Variants in XRCC4 observed in about 807,000 individuals in gnomAD.
XRCC4 encodes the protein X-ray repair cross complementing 4.
Under a neutral mutation model 39.1 loss-of-function variants are expected in XRCC4, and 28 were observed. That is an observed-to-expected ratio of 0.72 (90% CI 0.53 to 0.98). The LOEUF (loss-of-function observed/expected upper bound fraction) is 0.98, where lower values mean the gene tolerates loss of function less well. Ranked by LOEUF, XRCC4 falls within the 50% of genes least tolerant of loss-of-function variation. The pLI, the probability that XRCC4 is intolerant of heterozygous loss-of-function variation, is 0.00. For synonymous variants in XRCC4, 123 were observed against 126.4 expected (o/e 0.97, Z 0.18); for missense variants, 350 against 376.4 (o/e 0.93, Z 0.58).
intron 3 of XRCC4, among the ~76,000 whole-genome samples, chr5:83,172,770 G>A (rs1749787097): frequency 6.6e-6 from 1 of 152,090 alleles, no homozygotes; most frequent in South Asian, 2.1e-4. Flanking sequence ...GGTTCCTCTA[G>A]GTTACTCACT....
intron 7 of XRCC4, among the ~76,000 whole-genome samples, chr5:83,262,983 TCCCTCCCC>T (rs1382992235): frequency 1.5e-4 from 18 of 119,392 alleles, no homozygotes; most frequent in Non-Finnish European, 3.0e-4. Flanking sequence ...CCCGATGCTA[TCCCTCCCC>T]CCCTCCCCCC....
chr5:83,354,665 G>C (rs1034692879), downstream of XRCC4, among the ~76,000 whole-genome samples: 15 of 152,136 alleles, frequency 9.9e-5, no homozygotes, highest in Middle Eastern at 3.4e-3. Flanking sequence ...GCAGAAATTT[G>C]ATTATCCTTA....
rs568732688 is a variant in XRCC4, at chr5:83,095,708, GTGCACAGATCATGAA to G, written c.-10-9200_-10-9186del. On this transcript the variant is annotated intron_variant, in intron 1 of 7. Coordinates refer to ENST00000396027, the MANE Select transcript of XRCC4 (RefSeq NM_003401.5). Reference sequence around the variant, plus strand: ...ATTGGAGGCTAACAAGTCTGTCCCAGTGCACAGATCATGAATCTCCTAGCAGATCTTTGTACTTGC... The same window carrying G: ...ATTGGAGGCTAACAAGTCTGTCCCAGTCTCCTAGCAGATCTTTGTACTTGC... Among the ~76,000 whole-genome samples, 166 of 152,292 alleles carry G rather than the reference GTGCACAGATCATGAA, an allele frequency of 1.1e-3. 4 individuals are homozygous for G. Among genetic ancestry groups the G allele is most frequent in the Admixed American group, 0.011 (165 of 15,294 alleles).
chr5:83,222,240 A>G (rs1260224535), intron 6 of XRCC4, among the ~76,000 whole-genome samples: 1 of 151,870 alleles, frequency 6.6e-6, no homozygotes, highest in Non-Finnish European at 1.5e-5. Flanking sequence ...AACTATTCCA[A>G]CTTTCTTCAT....
rs1398921861 is a variant in XRCC4, at chr5:83,353,680, G to A, written c.*438G>A. 6.6e-6 allele frequency: 1 copy of A among 152,278 alleles called. No individual in the cohort carries two copies. The highest frequency in any genetic ancestry group is 1.5e-5 in the Non-Finnish European group (1 of 68,134). The allele number at this position is 152,278 out of a possible 1,614,324, so 9.4% of individuals were successfully genotyped here. A position where few individuals can be genotyped will look rare whatever the true frequency, so the allele number is the denominator to read the frequency against. ...CATTGATGTTTGAACATTTTAATTT[G>A]TGTGATGATGTAGAAAATATAATTT... On this transcript the variant is annotated 3_prime_UTR_variant, in exon 8 of 8. Transcript: ENST00000396027.
chr5:83,114,547 A>G (rs1746616391), intron 3 of XRCC4, among the ~76,000 whole-genome samples: 2 of 152,292 alleles, frequency 1.3e-5, no homozygotes, highest in African/African-American at 2.4e-5. Context: ...CAAGTTCCTC[A>G]TGTCCATCTG....
intron 3 of XRCC4, among the ~76,000 whole-genome samples, chr5:83,193,441 C>A (rs28360121): frequency 6.6e-6 from 1 of 152,042 alleles, no homozygotes; most frequent in Non-Finnish European, 1.5e-5. Flanking sequence ...AAGTTGTATA[C>A]TTTTAAGAAG....
intron 3 of XRCC4, among the ~76,000 whole-genome samples, chr5:83,167,182 CT>C (rs1340063175): frequency 6.6e-6 from 1 of 151,966 alleles, no homozygotes; most frequent in Non-Finnish European, 1.5e-5. Flanking sequence ...GAACCCAGCC[CT>C]CATTATGGTT....
chr5:83,184,611 G>A (rs1299196702), intron 3 of XRCC4, among the ~76,000 whole-genome samples: 3 of 151,962 alleles, frequency 2.0e-5, no homozygotes, highest in Admixed American at 6.6e-5. Context: ...TTTACACTAC[G>A]TTCTATTAAG....
chr5:83,237,374 C>T (rs1167389408), intron 6 of XRCC4, among the ~76,000 whole-genome samples: 2 of 152,052 alleles, frequency 1.3e-5, no homozygotes, highest in Admixed American at 6.6e-5. Context: ...GGATATTATG[C>T]AGCCATAAAC....
At chr5:83,342,040 T>G (rs921404125) in intron 7 of XRCC4, among the ~76,000 whole-genome samples, 1 of 152,150 alleles carries the variant, frequency 6.6e-6, no homozygotes, top group African/African-American at 2.4e-5. Context: ...AACGTGACAG[T>G]TTTCCACTTT....
At chr5:83,127,311 A>G (rs889157148) in intron 3 of XRCC4, among the ~76,000 whole-genome samples, 18 of 152,162 alleles carry the variant, frequency 1.2e-4, no homozygotes, top group African/African-American at 4.1e-4. Flanking sequence ...TGTAGCTCCC[A>G]TAATTTTCAC....
chr5:83,226,409 C>T (rs1270222233), intron 6 of XRCC4, among the ~76,000 whole-genome samples: 1 of 151,966 alleles, frequency 6.6e-6, no homozygotes, highest in African/African-American at 2.4e-5. Flanking sequence ...CTTTTTAAGT[C>T]CTTTTTCTAT....
chr5:83,264,635 C>T lies in XRCC4; in HGVS notation c.893+5958C>T, dbSNP rs552538109. Among the ~76,000 whole-genome samples the T allele has an allele frequency of 5.3e-5, 8 of 152,124 alleles. No individual in the cohort carries two copies. In the South Asian group the frequency reaches 1.2e-3, roughly 24 times the overall value. On this transcript the variant is annotated intron_variant, in intron 7 of 7. Coordinates refer to ENST00000396027, the MANE Select transcript of XRCC4 (RefSeq NM_003401.5). ...ATCCCACCCACCTGGAGATGACCAC[C>T]GTTGAGACCTGGTACTCTGTGTCGT...
the XRCC4 span, among the ~76,000 whole-genome samples, chr5:83,363,442 T>A: frequency 6.6e-6 from 1 of 152,282 alleles, no homozygotes; most frequent in Admixed American, 6.5e-5. Context: ...CTGATTAGAT[T>A]TGTGCTTTTG....
intron 3 of XRCC4, among the ~76,000 whole-genome samples, chr5:83,113,847 C>T (rs1746569982): frequency 6.6e-6 from 1 of 152,282 alleles, no homozygotes; most frequent in South Asian, 2.1e-4. Context: ...AAGATGGTCT[C>T]AATCTCCTGA....
chr5:83,208,542 A>G (rs1292847898), intron 6 of XRCC4, among the ~76,000 whole-genome samples: 1 of 151,994 alleles, frequency 6.6e-6, no homozygotes, highest in Non-Finnish European at 1.5e-5. Context: ...ATACGCAATC[A>G]ATTTATGGCT....
At chr5:83,279,704 A>G (rs1465160735) in intron 7 of XRCC4, among the ~76,000 whole-genome samples, 2 of 152,234 alleles carry the variant, frequency 1.3e-5, no homozygotes, top group African/African-American at 4.8e-5. Context: ...TATTCTAGCA[A>G]TAGTGATGGC....
At chr5:83,262,100 G>T (rs911210709) in intron 7 of XRCC4, among the ~76,000 whole-genome samples, 9 of 152,060 alleles carry the variant, frequency 5.9e-5, no homozygotes, top group African/African-American at 1.9e-4. Context: ...TCAGAATTTT[G>T]ATAAGTGCTT....
Sources: allele counts gnomAD v4.1 joint callset (sites outside exome capture counted in the v4.1 genomes callset), GRCh38; gene constraint gnomAD v4.1.1; transcripts MANE v1.5; gene names NCBI Gene and HGNC (gene_info 2026-07-23, HGNC 2026-07-21).